CACNA1E: variants seen among roughly 807,000 people sequenced by gnomAD.
CACNA1E encodes the protein voltage-dependent R-type calcium channel subunit alpha-1E.
In CACNA1E, 40 loss-of-function variants were observed where a neutral mutation model predicts 259.2. The ratio of observed to expected loss-of-function variants is 0.15; its 90% CI spans 0.12 to 0.20. The LOEUF (loss-of-function observed/expected upper bound fraction) is 0.20. Among genes scored for constraint, CACNA1E ranks in the 10% least tolerant of loss-of-function variants. CACNA1E has a pLI of 1.00. For missense variants in CACNA1E, 1,874 were observed against 3,040.1 expected, an observed-to-expected ratio of 0.62 and a Z score of 9.02; for synonymous variants, 1,104 against 1,138.5, an observed-to-expected ratio of 0.97 and a Z score of 0.61.
intron 1 of CACNA1E, among the ~76,000 whole-genome samples, chr1:181,507,163 C>G (rs1665782040): frequency 1.3e-5 from 2 of 152,266 alleles, no homozygotes; most frequent in Middle Eastern, 3.4e-3. Flanking sequence ...CTTCTTAGAA[C>G]CTGTGAATTA....
chr1:181,691,589 A>T (rs898359180), intron 7 of CACNA1E, among the ~76,000 whole-genome samples: 3 of 152,254 alleles, frequency 2.0e-5, no homozygotes, highest in Admixed American at 6.5e-5. Flanking sequence ...CTTAATAGAT[A>T]CAGAAAAAGC....
At chr1:181,714,275 G>GTAT (rs1270513488) in intron 8 of CACNA1E, among the ~76,000 whole-genome samples, 1 of 152,074 alleles carries the variant, frequency 6.6e-6, no homozygotes, top group Non-Finnish European at 1.5e-5. Flanking sequence ...AAACCATACT[G>GTAT]TATTATAAAG....
At position 181,798,009 on chromosome 1, in the gene CACNA1E, G is replaced by A. The variant is rs942253406; in HGVS notation, c.6400-283G>A. The stretch of plus-strand genomic sequence containing the variant: ...CATCACCTGGAAGCTTGTTAGAAAT[G>A]CAAAATCTCAGTCCTTGCCCCAGAT... On this transcript the variant is annotated intron_variant, in intron 47 of 47. Transcript: ENST00000367573. The surrounding 1 kb of genome is among the most constrained non-coding windows in gnomAD (Gnocchi z 4.2). 2.0e-4 allele frequency among the ~76,000 whole-genome samples: 30 copies of A among 152,138 alleles called. No individual in the cohort carries two copies. The highest frequency in any genetic ancestry group is 5.9e-5 in the Non-Finnish European group (4 of 68,022).
chr1:181,652,975 T>G (rs1412841848), intron 7 of CACNA1E, among the ~76,000 whole-genome samples: 1 of 151,958 alleles, frequency 6.6e-6, no homozygotes, highest in Non-Finnish European at 1.5e-5. Flanking sequence ...TGGTAGGAGT[T>G]GAGAGGATTC....
intron 6 of CACNA1E, among the ~76,000 whole-genome samples, chr1:181,629,019 C>T (rs1311919416): frequency 6.6e-6 from 1 of 152,090 alleles, no homozygotes; most frequent in Non-Finnish European, 1.5e-5. Context: ...AAACAATTAC[C>T]GTAGGAAATG....
intron 6 of CACNA1E, among the ~76,000 whole-genome samples, chr1:181,645,824 G>A (rs939998814): frequency 2.6e-5 from 4 of 152,210 alleles, no homozygotes; most frequent in African/African-American, 7.2e-5. Context: ...CATAGTAGGT[G>A]GCCCATGAAT....
intron 7 of CACNA1E, among the ~76,000 whole-genome samples, chr1:181,701,159 G>A (rs1321610481): frequency 6.6e-6 from 1 of 152,218 alleles, no homozygotes; most frequent in Non-Finnish European, 1.5e-5. Flanking sequence ...GGGGAAAGAT[G>A]CCCACACAGG....
intron 1 of CACNA1E, among the ~76,000 whole-genome samples, chr1:181,347,953 C>T (rs971669691): frequency 3.3e-5 from 5 of 152,256 alleles, no homozygotes; most frequent in Non-Finnish European, 5.9e-5. Context: ...CACAGCAGCT[C>T]TCCTTGGGGC....
At chr1:181,787,481 C>A (rs1011223884) in intron 43 of CACNA1E, among the ~76,000 whole-genome samples, 1 of 152,148 alleles carries the variant, frequency 6.6e-6, no homozygotes, top group African/African-American at 2.4e-5. Context: ...ATTTGCTTTA[C>A]AAATTAACCC....
chr1:181,636,565 G>A (rs1389657411), intron 6 of CACNA1E, among the ~76,000 whole-genome samples: 2 of 152,210 alleles, frequency 1.3e-5, no homozygotes, highest in African/African-American at 2.4e-5. Context: ...GTGGGGATTA[G>A]AGAATTCCAA....
chr1:181,550,030 T>A (rs1489808499), intron 3 of CACNA1E, among the ~76,000 whole-genome samples: 2 of 152,008 alleles, frequency 1.3e-5, no homozygotes, highest in East Asian at 3.8e-4. Context: ...TGGTGGTACA[T>A]GTGTGTGTTG....
chr1:181,320,395 A>G (rs1650249977), intron 1 of CACNA1E, among the ~76,000 whole-genome samples: 1 of 152,136 alleles, frequency 6.6e-6, no homozygotes, highest in African/African-American at 2.4e-5. Flanking sequence ...CAGCCCATAA[A>G]TCTGCCAGAC....
At chr1:181,566,082 T>A (rs976285444) in intron 3 of CACNA1E, among the ~76,000 whole-genome samples, 2 of 152,238 alleles carry the variant, frequency 1.3e-5, no homozygotes, top group African/African-American at 4.8e-5. Flanking sequence ...AATCATAGGA[T>A]ACCATAAAGC....
chr1:181,439,644 T>C (rs1418811407), intron 2 of CACNA1E, among the ~76,000 whole-genome samples: 4 of 152,196 alleles, frequency 2.6e-5, no homozygotes, highest in African/African-American at 9.6e-5. Flanking sequence ...TTTTGGTGTA[T>C]GTGCGTGCCC....
intron 2 of CACNA1E, among the ~76,000 whole-genome samples, chr1:181,474,522 T>G (rs2102424398): frequency 6.6e-6 from 1 of 152,350 alleles, no homozygotes; most frequent in Admixed American, 6.5e-5. Context: ...TTTGTACACT[T>G]GGCTGGCAGA....
chr1:181,460,127 T>C (rs575100687), intron 2 of CACNA1E, among the ~76,000 whole-genome samples: 4 of 152,270 alleles, frequency 2.6e-5, no homozygotes, highest in East Asian at 3.9e-4. Context: ...CCAGCTGATA[T>C]AGGGCCTGGT....
At chr1:181,357,777 A>G (rs1352465766) in intron 1 of CACNA1E, among the ~76,000 whole-genome samples, 3 of 152,200 alleles carry the variant, frequency 2.0e-5, no homozygotes, top group African/African-American at 4.8e-5. Flanking sequence ...TCTAGATGCC[A>G]TGAACATCCA....
chr1:181,711,799 G>A (rs1200031983), intron 8 of CACNA1E, among the ~76,000 whole-genome samples: 1 of 152,052 alleles, frequency 6.6e-6, no homozygotes, highest in African/African-American at 2.4e-5. Flanking sequence ...TAGGGAGGAG[G>A]AACAGGAGAC....
intron 1 of CACNA1E, among the ~76,000 whole-genome samples, chr1:181,391,685 C>T (rs958703309): frequency 6.6e-6 from 1 of 152,158 alleles, no homozygotes; most frequent in Non-Finnish European, 1.5e-5. Flanking sequence ...TCAAACCTTG[C>T]TAGAGCCAGT....
Sources: allele counts gnomAD v4.1 joint callset (sites outside exome capture counted in the v4.1 genomes callset), GRCh38; gene constraint gnomAD v4.1.1; non-coding constraint Gnocchi (gnomAD v3.1); transcripts MANE v1.5; gene names NCBI Gene and HGNC (gene_info 2026-07-23, HGNC 2026-07-21).